Variants in SH3PXD2A observed in about 807,000 individuals in gnomAD.
The protein encoded by SH3PXD2A is SH3 and PX domain-containing protein 2A.
In SH3PXD2A, 32 loss-of-function variants were observed where a neutral mutation model predicts 115.2. The ratio of observed to expected loss-of-function variants is 0.28; its 90% CI spans 0.21 to 0.37. SH3PXD2A has a LOEUF of 0.37. SH3PXD2A is among the 10% of genes least tolerant of loss of function. The pLI, the probability that SH3PXD2A is intolerant of heterozygous loss-of-function variation, is 1.00. For synonymous variants in SH3PXD2A, 610 were observed against 629.1 expected (o/e 0.97, Z 0.45); for missense variants, 1,328 against 1,498.7 (o/e 0.89, Z 1.88).
chr10:103,829,143 C>T (rs537652845), intron 1 of SH3PXD2A, among the ~76,000 whole-genome samples: 2 of 152,244 alleles, frequency 1.3e-5, no homozygotes, highest in East Asian at 3.9e-4. Flanking sequence ...ATAGACAGCA[C>T]TTTTTAATGT....
At chr10:103,802,182 G>A (rs1277944648) in intron 1 of SH3PXD2A, among the ~76,000 whole-genome samples, 1 of 152,184 alleles carries the variant, frequency 6.6e-6, no homozygotes, top group Non-Finnish European at 1.5e-5. Flanking sequence ...TGGATCCTCA[G>A]AACTCACTCT....
At chr10:103,681,719 G>A (rs1394066258) in intron 6 of SH3PXD2A, among the ~76,000 whole-genome samples, 1 of 151,466 alleles carries the variant, frequency 6.6e-6, no homozygotes, top group Non-Finnish European at 1.5e-5. Context: ...ACTCCAGCCT[G>A]GGTGACAGAG....
intron 1 of SH3PXD2A, among the ~76,000 whole-genome samples, chr10:103,806,586 C>T (rs908039321): frequency 2.0e-5 from 3 of 152,168 alleles, no homozygotes; most frequent in Non-Finnish European, 4.4e-5. Context: ...CTCCTCCAGC[C>T]TCAGGAGCAG....
At chr10:103,845,081 T>C (rs1451984415) in intron 1 of SH3PXD2A, among the ~76,000 whole-genome samples, 1 of 151,814 alleles carries the variant, frequency 6.6e-6, no homozygotes, top group African/African-American at 2.4e-5. Context: ...CCCAGAACTT[T>C]GGGAGGCTGA....
At chr10:103,810,913 C>T (rs1260366763) in intron 1 of SH3PXD2A, among the ~76,000 whole-genome samples, 12 of 10,142 alleles carry the variant, frequency 1.2e-3, no homozygotes, top group Non-Finnish European at 4.1e-3. Context: ...CATGGACACA[C>T]ACACACGGAG....
At chr10:103,845,519 T>C (rs1842838576) in intron 1 of SH3PXD2A, among the ~76,000 whole-genome samples, 2 of 152,138 alleles carry the variant, frequency 1.3e-5, no homozygotes, top group South Asian at 2.1e-4. Flanking sequence ...GAAGTTACCC[T>C]ATATGGTCTC....
At position 103,595,341 on chromosome 10, in the gene SH3PXD2A, TCTTC is replaced by T. The variant is rs916531701; in HGVS notation, c.*6471_*6474del. ...CTTCCTGAAACACTCAGAGCTGACT[TCTTC>T]CTTCTTTCTAATCAACAAAGACAAA... On this transcript the variant is annotated 3_prime_UTR_variant, in exon 15 of 15. Transcript: ENST00000369774. 3 of 152,170 alleles carry T rather than the reference TCTTC, an allele frequency of 2.0e-5. No homozygotes were observed. The highest frequency in any genetic ancestry group is 7.2e-5 in the African/African-American group (3 of 41,430). 9.4% of individuals were successfully genotyped at this position (152,170 alleles called of 1,614,324 possible). A position where few individuals can be genotyped will look rare whatever the true frequency, so the allele number is the denominator to read the frequency against.
Position 103,826,592 on chromosome 10 carries a change from G to A in SH3PXD2A, c.73-25230C>T, listed in dbSNP as rs919205628. The stretch of plus-strand genomic sequence containing the variant: ...AGGAGACAGAGGATCCCAGGATTCT[G>A]ATGGAACTGGCTGTCCATGCTAGAA... On this transcript the variant is annotated intron_variant, in intron 1 of 14. Coordinates refer to ENST00000369774, the MANE Select transcript of SH3PXD2A (RefSeq NM_001394015.1). Among the ~76,000 whole-genome samples, 3 of 152,350 alleles carry A rather than the reference G, an allele frequency of 2.0e-5. No homozygotes were observed. The South Asian group carries it at 6.2e-4, about 32-fold the overall frequency.
At chr10:103,791,834 C>T (rs775433331) in intron 2 of SH3PXD2A, among the ~76,000 whole-genome samples, 7 of 152,114 alleles carry the variant, frequency 4.6e-5, no homozygotes, top group Middle Eastern at 3.2e-3. Context: ...CTTTTCCCAA[C>T]ACCCTCCAGC....
intron 6 of SH3PXD2A, 47 bp downstream of exon 6, chr10:103,692,981 G>A (rs201136635): frequency 2.1e-4 from 291 of 1,373,210 alleles, no homozygotes; most frequent in Admixed American, 4.4e-4. Context: ...GCGCGTGCAC[G>A]AAGCGGGAAG....
intron 8 of SH3PXD2A, among the ~76,000 whole-genome samples, chr10:103,644,746 T>A (rs2902634): frequency 0.48 from 72,679 of 151,956 alleles, 17,635 homozygotes; most frequent in East Asian, 0.63. Flanking sequence ...GAGAAAAGGA[T>A]AGGAGGGTGA....
In SH3PXD2A at chr10:103,602,221, C is replaced by G. The variant is rs543566354; in HGVS notation, c.2997G>C (p.Arg999Ser). Reference sequence around the variant, plus strand: ...CATCAGTGGCCGTGAGTGACTCATTCCTCCGCAGGGCGCAGGACAGGTTGT... The same window carrying G: ...CATCAGTGGCCGTGAGTGACTCATTGCTCCGCAGGGCGCAGGACAGGTTGT... ...KDNNLSCALR[R>S]NESLTATDGL... Residue 999 changes from arginine (R) to serine (S), a missense_variant, in exon 15 of 15, where the codon AGG becomes AGC. This residue lies in a region of SH3PXD2A where 574 missense variants were observed against 565.7 expected (regional missense o/e 1.01). Transcript: ENST00000369774. 9 of 1,595,990 alleles carry G rather than the reference C, an allele frequency of 5.6e-6. No individual in the cohort carries two copies. Among genetic ancestry groups the G allele is most frequent in the Non-Finnish European group, 6.8e-6 (8 of 1,170,040 alleles).
intron 6 of SH3PXD2A, among the ~76,000 whole-genome samples, chr10:103,687,709 G>C (rs937429184): frequency 1.3e-5 from 2 of 152,154 alleles, no homozygotes; most frequent in Non-Finnish European, 2.9e-5. Flanking sequence ...ACCCCTCAGT[G>C]AATCTTCATC....
rs1423828576 is a variant in SH3PXD2A at position 103,746,469 on chromosome 10, G to A, written c.230-10661C>T. On this transcript the variant is annotated intron_variant, in intron 3 of 14. Transcript: ENST00000369774. This position sits in a 1 kb window ranked among gnomAD's most constrained non-coding sequence, Gnocchi z 4.4. ...GGAGTAGCTGGGATTACAGGCATGCGCCACCACACCAGGCTAATTTTTTGT... is the reference window on the plus strand; with the variant it reads ...GGAGTAGCTGGGATTACAGGCATGCACCACCACACCAGGCTAATTTTTTGT... Among the ~76,000 whole-genome samples the A allele has an allele frequency of 2.0e-5, 3 of 152,006 alleles. No individual in the cohort carries two copies. The highest frequency in any genetic ancestry group is 6.6e-5 in the Admixed American group (1 of 15,262).
chr10:103,762,761 G>A (rs1490566722), intron 3 of SH3PXD2A, among the ~76,000 whole-genome samples: 1 of 152,142 alleles, frequency 6.6e-6, no homozygotes, highest in Non-Finnish European at 1.5e-5. Context: ...AAAACAATTC[G>A]GGGGCTCTCT....
chr10:103,622,181 C>A (rs1331647653), intron 10 of SH3PXD2A, among the ~76,000 whole-genome samples: 1 of 152,108 alleles, frequency 6.6e-6, no homozygotes, highest in African/African-American at 2.4e-5. Flanking sequence ...GACCCGAAAC[C>A]CCCTTGTCCC....
chr10:103,836,706 C>CACACACACA (rs1554928966), intron 1 of SH3PXD2A, among the ~76,000 whole-genome samples: 6 of 149,672 alleles, frequency 4.0e-5, no homozygotes, highest in South Asian at 2.1e-4. Flanking sequence ...CACACACACA[C>CACACACACA]CCCTTCTTTT....
rs74661743 is a variant in SH3PXD2A at position 103,602,127 on chromosome 10, G to A, written c.3091C>T (p.Arg1031Cys). ...TGGCTGGCAGCCCGTTCGGCCAGGCGGCCCTTGGCCTCGGCGGCAGCGGAG... is the reference window on the plus strand; with the variant it reads ...TGGCTGGCAGCCCGTTCGGCCAGGCAGCCCTTGGCCTCGGCGGCAGCGGAG... ...ARSAAAEAKG[R>C]LAERAASQGS... Residue 1031 changes from arginine (R) to cysteine (C), a missense_variant, in exon 15 of 15, where the codon CGC (arginine) becomes TGC (cysteine). Coordinates refer to ENST00000369774, the MANE Select transcript of SH3PXD2A (RefSeq NM_001394015.1). The A allele has an allele frequency of 5.4e-3, 8,565 of 1,583,494 alleles. 32 individuals carry two copies. The highest frequency in any genetic ancestry group is 6.6e-3 in the Non-Finnish European group (7,633 of 1,162,522).
At position 103,598,890 on chromosome 10, in the gene SH3PXD2A, G is replaced by A. The variant is rs2036175387; in HGVS notation, c.*2926C>T. On this transcript the variant is annotated 3_prime_UTR_variant, in exon 15 of 15. Coordinates refer to ENST00000369774, the MANE Select transcript of SH3PXD2A (RefSeq NM_001394015.1). Reference sequence around the variant, plus strand: ...TGGGTTTGCAGGGTTTGTGCTGTGAGTTAGGGGGTGAGGGGGCGAGGTGCG... The same window carrying A: ...TGGGTTTGCAGGGTTTGTGCTGTGAATTAGGGGGTGAGGGGGCGAGGTGCG... 6.6e-6 allele frequency: 1 copy of A among 152,592 alleles called. No homozygotes were observed. The highest frequency in any genetic ancestry group is 1.5e-5 in the Non-Finnish European group (1 of 68,060). The allele number at this position is 152,592 out of a possible 1,614,324, so 9.5% of individuals were successfully genotyped here.
Sources: allele counts gnomAD v4.1 joint callset (sites outside exome capture counted in the v4.1 genomes callset), GRCh38; gene constraint gnomAD v4.1.1; regional missense constraint gnomAD v4.1.1; non-coding constraint Gnocchi (gnomAD v3.1); transcripts MANE v1.5; gene names NCBI Gene and HGNC (gene_info 2026-07-23, HGNC 2026-07-21).